MAPKBP1: variants seen among roughly 807,000 people sequenced by gnomAD.
MAPKBP1 encodes mitogen-activated protein kinase binding protein 1, also known as mitogen-activated protein kinase-binding protein 1.
In MAPKBP1, 71 loss-of-function variants were observed where a neutral mutation model predicts 170.5. The ratio of observed to expected loss-of-function variants is 0.42; its 90% CI spans 0.34 to 0.51. The LOEUF is 0.51. Ranked by LOEUF, MAPKBP1 falls within the 20% of genes least tolerant of loss-of-function variation. The pLI is 0.06. For synonymous variants in MAPKBP1, 719 were observed against 757.9 expected (o/e 0.95, Z 0.84); for missense variants, 1,598 against 1,933.0 (o/e 0.83, Z 3.25).
rs386382833 is a variant in MAPKBP1, at chr15:41,827,127, C to CTG, written c.*1692_*1693insGT. The CTG allele has an allele frequency of 1.3e-5, 2 of 148,858 alleles. No individual in the cohort carries two copies. The highest frequency in any genetic ancestry group is 2.5e-5 in the African/African-American group (1 of 40,340). The allele number at this position is 148,858 out of a possible 1,614,324, so 9.2% of individuals were successfully genotyped here. A position where few individuals can be genotyped will look rare whatever the true frequency, so the allele number is the denominator to read the frequency against. On this transcript the variant is annotated 3_prime_UTR_variant, in exon 31 of 31. Transcript: ENST00000457542. ...CCTGGCCAACATGGTGAAACCCTGT[C>CTG]TACTAAAAATAAAAAAATTAGCTGG...
rs1567135592 is a variant in MAPKBP1 at position 41,786,780 on chromosome 15, AT to A, written c.114+11392del. 2.4e-3 allele frequency among the ~76,000 whole-genome samples: 156 copies of A among 65,656 alleles called. 2 individuals are homozygous for A. Among genetic ancestry groups the A allele is most frequent in the Non-Finnish European group, 3.0e-3 (96 of 32,094 alleles). The allele number at this position is 65,656 out of a possible 152,430, so 43.1% of individuals were successfully genotyped here. A position where few individuals can be genotyped will look rare whatever the true frequency, so the allele number is the denominator to read the frequency against. ...ACTCCGTCTAAAAAAAAAAAAAAAT[AT>A]ATATATATATATATATATATATAGG... On this transcript the variant is annotated intron_variant, in intron 2 of 30. Transcript: ENST00000457542.
At chr15:41,787,207 CAT>C (rs2064314173) in intron 2 of MAPKBP1, among the ~76,000 whole-genome samples, 1 of 152,032 alleles carries the variant, frequency 6.6e-6, no homozygotes, top group Admixed American at 6.6e-5. Flanking sequence ...TTTTGAAGTA[CAT>C]GTGCTTTCTG....
At chr15:41,812,765 C>T in intron 7 of MAPKBP1, 112 bp downstream of exon 7, 1 of 1,477,048 alleles carries the variant, frequency 6.8e-7, no homozygotes, top group Non-Finnish European at 9.0e-7. Context: ...AGCAGTCATG[C>T]AGAAGTTTTG....
chr15:41,793,276 A>G (rs1466003158), intron 2 of MAPKBP1, among the ~76,000 whole-genome samples: 2 of 152,162 alleles, frequency 1.3e-5, no homozygotes, highest in Non-Finnish European at 2.9e-5. Flanking sequence ...TCATGAGGTC[A>G]GGAGATCGAG....
chr15:41,825,051 C>T, intron 30 of MAPKBP1, 158 bp from the exon 31 acceptor site: 1 of 603,338 alleles, frequency 1.7e-6, no homozygotes, highest in Non-Finnish European at 2.9e-6. Context: ...CCCCCAGAGT[C>T]TGCCTGCATC....
chr15:41,821,490 G>C, intron 23 of MAPKBP1, 94 bp from the exon 24 acceptor site: 1 of 1,172,436 alleles, frequency 8.5e-7, no homozygotes, highest in Non-Finnish European at 1.3e-6. Context: ...TCCAAGGGGA[G>C]GGTTGGCCCC....
chr15:41,796,613 C>G (rs767133912), intron 2 of MAPKBP1, among the ~76,000 whole-genome samples: 3 of 152,146 alleles, frequency 2.0e-5, no homozygotes, highest in Non-Finnish European at 4.4e-5. Flanking sequence ...TTTCCCCCCC[C>G]TTGGATAGCT....
At chr15:41,819,547 C>CT in intron 21 of MAPKBP1, 48 bp from the exon 22 acceptor site, 1 of 1,228,204 alleles carries the variant, frequency 8.1e-7, no homozygotes. Flanking sequence ...GGTTGGGTGG[C>CT]GGGGGGGGGG....
At position 41,811,216 on chromosome 15, in the gene MAPKBP1, A is replaced by G. The variant is rs151148700; in HGVS notation, c.308A>G (p.Lys103Arg). 1.2e-6 allele frequency: 2 copies of G among 1,614,250 alleles called. No homozygotes were observed. The highest frequency in any genetic ancestry group is 1.7e-6 in the Non-Finnish European group (2 of 1,180,046). ...GCCCTTGCCTTCTCCCCTGATGGCA[A>G]GTACTTGGTCACTGGAGAGGTGAGT... ...ITALAFSPDGKYLVTGESGHM... is the reference protein window; with the variant it reads ...ITALAFSPDGRYLVTGESGHM... The change falls in exon 5 of 31, where the codon AAG becomes AGG. Residue 103 changes from lysine (K) to arginine (R), a missense_variant. Physicochemically the swap from Lys to Arg is conservative, Grantham distance 26. Coordinates refer to ENST00000457542, the MANE Select transcript of MAPKBP1 (RefSeq NM_014994.3).
At chr15:41,821,130 C>T (rs2064989680) in intron 23 of MAPKBP1, 62 bp downstream of exon 23, 3 of 1,469,266 alleles carry the variant, frequency 2.0e-6, no homozygotes, top group Admixed American at 1.7e-5. Flanking sequence ...GCCTTTGCCA[C>T]CAGCTGGGAC....
chr15:41,815,599 C>G, intron 11 of MAPKBP1, 25 bp from the exon 12 acceptor site: 1 of 1,605,142 alleles, frequency 6.2e-7, no homozygotes, highest in Non-Finnish European at 8.5e-7. Flanking sequence ...CTGCCTCATC[C>G]ACCTTTTCTA....
At position 41,812,119 on chromosome 15, in the gene MAPKBP1, G is replaced by A. The variant is rs1274192181; in HGVS notation, c.490G>A (p.Ala164Thr). Reference protein sequence around the residue: ...YQHDMIVNVWAWKKNIVVASN... With the variant: ...YQHDMIVNVWTWKKNIVVASN... ...GCATGACATGATCGTCAACGTGTGG[G>A]CCTGGAAGGTGAGTGGCTGGGTGGG... Residue 164 changes from alanine (A) to threonine (T), a missense_variant, in exon 6 of 31, where the codon GCC (alanine) becomes ACC (threonine). This residue lies in a region of MAPKBP1 where 11 missense variants were observed against 39.6 expected (regional missense o/e 0.28). Transcript: ENST00000457542. 1 of 1,614,014 alleles carries A rather than the reference G, an allele frequency of 6.2e-7. No homozygotes were observed. The highest frequency in any genetic ancestry group is 8.5e-7 in the Non-Finnish European group (1 of 1,180,024).
rs1162475711 is a variant in MAPKBP1 at position 41,823,286 on chromosome 15, G to A, written c.3598+64G>A. The A allele has an allele frequency of 3.2e-6, 5 of 1,571,458 alleles. No individual in the cohort carries two copies. In the African/African-American group the frequency reaches 4.0e-5, roughly 13 times the overall value. On this transcript the variant is annotated intron_variant, in intron 28 of 30. Coordinates refer to ENST00000457542, the MANE Select transcript of MAPKBP1 (RefSeq NM_014994.3). ...GTATGGAACACATGTACATGCTGGA[G>A]GAGGGAGGGCCTGGTGTGGCCCTGA...
chr15:41,798,923 G>A (rs2064543904), intron 2 of MAPKBP1, among the ~76,000 whole-genome samples: 1 of 152,226 alleles, frequency 6.6e-6, no homozygotes, highest in Non-Finnish European at 1.5e-5. Flanking sequence ...AGCAGGTAAA[G>A]ACCTGGAGCA....
intron 2 of MAPKBP1, among the ~76,000 whole-genome samples, chr15:41,784,009 A>G (rs993149883): frequency 2.0e-5 from 3 of 151,946 alleles, no homozygotes; most frequent in Admixed American, 6.6e-5. Context: ...ACTCCGTCTC[A>G]AAAAAAAGAA....
chr15:41,777,340 CAA>C (rs55744466), intron 2 of MAPKBP1, among the ~76,000 whole-genome samples: 24 of 85,184 alleles, frequency 2.8e-4, no homozygotes, highest in Admixed American at 2.7e-4. Context: ...GACTCCGTCT[CAA>C]AAAAAAAAAA....
chr15:41,810,224 A>AC (rs2064778333), intron 3 of MAPKBP1, among the ~76,000 whole-genome samples: 1 of 151,872 alleles, frequency 6.6e-6, no homozygotes, highest in African/African-American at 2.4e-5. Flanking sequence ...CTTCCCTCCT[A>AC]CACCCCTTCC....
intron 30 of MAPKBP1, 46 bp from the exon 31 acceptor site, chr15:41,825,163 T>A: frequency 6.7e-7 from 1 of 1,497,822 alleles, no homozygotes; most frequent in Non-Finnish European, 9.0e-7. Context: ...CTTTTATATG[T>A]CTGTTGACAG....
Position 41,818,724 on chromosome 15 carries a change from G to A in MAPKBP1, c.2157-99G>A. On this transcript the variant is annotated intron_variant, in intron 19 of 30. Transcript: ENST00000457542. The surrounding 1 kb of genome is among the most constrained non-coding windows in gnomAD (Gnocchi z 5.2). ...TGGCTGTGCTTGACCTGAAGTGGAG[G>A]GTGGCTCTGGTCTCCTTGCCATCCA... 1 of 1,549,928 alleles carries A rather than the reference G, an allele frequency of 6.5e-7. No individual in the cohort carries two copies. The highest frequency in any genetic ancestry group is 8.8e-7 in the Non-Finnish European group (1 of 1,136,692).
Sources: gnomAD v4.1 joint callset for allele counts (sites outside exome capture counted in the v4.1 genomes callset) on GRCh38, gnomAD v4.1.1 for gene constraint, gnomAD v4.1.1 regional missense constraint, Gnocchi (gnomAD v3.1) non-coding constraint, MANE v1.5 for transcripts, NCBI Gene and HGNC (gene_info 2026-07-23, HGNC 2026-07-21) for gene names.